PPP2R5A: variants seen among roughly 807,000 people sequenced by gnomAD.
The protein encoded by PPP2R5A is serine/threonine-protein phosphatase 2A 56 kDa regulatory subunit alpha isoform.
Under a neutral mutation model 64.2 loss-of-function variants are expected in PPP2R5A, and 25 were observed. That is an observed-to-expected ratio of 0.39 (90% CI 0.28 to 0.54). The LOEUF (loss-of-function observed/expected upper bound fraction) is 0.54, where lower values mean the gene tolerates loss of function less well. Among genes scored for constraint, PPP2R5A ranks in the 20% least tolerant of loss-of-function variants. PPP2R5A has a pLI of 0.67. For synonymous variants in PPP2R5A, 198 were observed against 201.2 expected, an observed-to-expected ratio of 0.98 and a Z score of 0.13; for missense variants, 425 against 576.3, an observed-to-expected ratio of 0.74 and a Z score of 2.69.
intron 1 of PPP2R5A, among the ~76,000 whole-genome samples, chr1:212,316,715 T>A (rs146209162): frequency 1.9e-3 from 288 of 151,990 alleles, no homozygotes; most frequent in Middle Eastern, 3.4e-3. Context: ...TGGTTTTATG[T>A]CATGTTGCAG....
At chr1:212,338,669 C>G (rs938074428) in intron 3 of PPP2R5A, among the ~76,000 whole-genome samples, 43 of 152,098 alleles carry the variant, frequency 2.8e-4, no homozygotes, top group African/African-American at 1.0e-3. Context: ...CGCCTCTAAT[C>G]CCAGCTACTC....
rs1388845112 is a variant in PPP2R5A, at chr1:212,286,206, G to T, written c.96G>T (p.Ala32=). Residue 32 remains alanine (A), a synonymous_variant, in exon 1 of 13, where the codon GCG becomes GCT. Transcript: ENST00000261461. ...DGFTRKSVRK[A]QRQKRSQGSS... ...TCACCCGGAAATCGGTCCGCAAGGC[G>T]CAGAGGCAGAAGCGCTCCCAGGGCT... 3 of 1,579,142 alleles carry T rather than the reference G, an allele frequency of 1.9e-6. No homozygotes were observed. Among genetic ancestry groups the T allele is most frequent in the Non-Finnish European group, 1.7e-6 (2 of 1,163,858 alleles).
At position 212,298,757 on chromosome 1, in the gene PPP2R5A, C is replaced by G. The variant is rs1373912844; in HGVS notation, c.181+12466C>G. ...CGGCTGGCCGGGCGGGGTGCTGACC[C>G]CCCCCCACCTCCCTCCCGGACGGGG... is the stretch of plus-strand genomic sequence containing the variant. On this transcript the variant is annotated intron_variant, in intron 1 of 12. Transcript: ENST00000261461. 1.0e-4 allele frequency among the ~76,000 whole-genome samples: 2 copies of G among 19,946 alleles called. 1 individual carries two copies. Among genetic ancestry groups the G allele is most frequent in the Non-Finnish European group, 1.8e-4 (2 of 11,168 alleles). 13.1% of individuals were successfully genotyped at this position (19,946 alleles called of 152,430 possible). A position where few individuals can be genotyped will look rare whatever the true frequency, so the allele number is the denominator to read the frequency against.
At chr1:212,352,181 G>A (rs1162172872) in intron 8 of PPP2R5A, among the ~76,000 whole-genome samples, 1 of 150,816 alleles carries the variant, frequency 6.6e-6, no homozygotes, top group African/African-American at 2.4e-5. Flanking sequence ...CCGATACCAC[G>A]CCCGGCTAGG....
chr1:212,349,355 A>G (rs1659836997), intron 8 of PPP2R5A, 113 bp downstream of exon 8: 1 of 710,484 alleles, frequency 1.4e-6, no homozygotes. Context: ...TTAAGCTAAA[A>G]TCATTTAGAA....
intron 8 of PPP2R5A, among the ~76,000 whole-genome samples, chr1:212,351,465 G>C (rs1011086674): frequency 1.3e-5 from 2 of 152,162 alleles, no homozygotes; most frequent in African/African-American, 4.8e-5. Flanking sequence ...TGTAATCCCA[G>C]CACTTTGGGA....
chr1:212,312,768 A>G (rs1328401425), intron 1 of PPP2R5A, among the ~76,000 whole-genome samples: 1 of 152,228 alleles, frequency 6.6e-6, no homozygotes, highest in Non-Finnish European at 1.5e-5. Context: ...CAACAGGGAA[A>G]TTACAAGAAA....
chr1:212,327,578 C>T (rs1311541499), intron 1 of PPP2R5A, among the ~76,000 whole-genome samples: 1 of 151,818 alleles, frequency 6.6e-6, no homozygotes, highest in East Asian at 1.9e-4. Context: ...CCACGTTTGG[C>T]TAATTTTTGT....
At chr1:212,359,397 A>G (rs1660041959) in intron 12 of PPP2R5A, among the ~76,000 whole-genome samples, 1 of 152,200 alleles carries the variant, frequency 6.6e-6, no homozygotes, top group Non-Finnish European at 1.5e-5. Context: ...TTGTCCTTGC[A>G]ATAATATGTA....
rs532261233 is a variant in PPP2R5A, at chr1:212,293,212, A to G, written c.181+6921A>G. On this transcript the variant is annotated intron_variant, in intron 1 of 12. Coordinates refer to ENST00000261461, the MANE Select transcript of PPP2R5A (RefSeq NM_006243.4). ...GATTATTTGTATTTTGCCAATGACC[A>G]GTATGAGTGACATGTAACATTATTG... Among the ~76,000 whole-genome samples the G allele has an allele frequency of 2.6e-5, 4 of 152,354 alleles. No homozygotes were observed. In the East Asian group the frequency reaches 7.7e-4, roughly 29 times the overall value.
chr1:212,307,480 G>A (rs1482499865), intron 1 of PPP2R5A, among the ~76,000 whole-genome samples: 3 of 151,630 alleles, frequency 2.0e-5, no homozygotes, highest in African/African-American at 4.8e-5. Context: ...TTTACCATCA[G>A]TAGTTATTTC....
chr1:212,292,545 A>G (rs1276835652), intron 1 of PPP2R5A, among the ~76,000 whole-genome samples: 2 of 152,032 alleles, frequency 1.3e-5, no homozygotes, highest in African/African-American at 4.8e-5. Context: ...TATCTACCAG[A>G]TGTTGATTCT....
intron 7 of PPP2R5A, among the ~76,000 whole-genome samples, chr1:212,348,871 T>C (rs961033861): frequency 7.2e-5 from 11 of 152,176 alleles, no homozygotes; most frequent in Admixed American, 7.2e-4. Context: ...TATATCAGCA[T>C]AGGTGTACAT....
At chr1:212,340,027 G>A (rs1659661347) in intron 3 of PPP2R5A, among the ~76,000 whole-genome samples, 4 of 144,904 alleles carry the variant, frequency 2.8e-5, no homozygotes, top group Non-Finnish European at 3.0e-5. Flanking sequence ...GCCAGGCATG[G>A]TGGCTTACAC....
chr1:212,323,310 G>T (rs1200937358), intron 1 of PPP2R5A, among the ~76,000 whole-genome samples: 2 of 152,106 alleles, frequency 1.3e-5, no homozygotes, highest in Non-Finnish European at 2.9e-5. Flanking sequence ...CTCAGAATTC[G>T]CTTCAAAGGA....
chr1:212,323,440 C>T (rs192397979), intron 1 of PPP2R5A, among the ~76,000 whole-genome samples: 1 of 152,306 alleles, frequency 6.6e-6, no homozygotes, highest in East Asian at 1.9e-4. Context: ...ACATTATATA[C>T]TTAATGGGTA....
At chr1:212,346,504 T>C (rs1453352880) in intron 5 of PPP2R5A, among the ~76,000 whole-genome samples, 1 of 152,086 alleles carries the variant, frequency 6.6e-6, no homozygotes, top group African/African-American at 2.4e-5. Context: ...TATTTCTAGA[T>C]TACTTACAAT....
intron 1 of PPP2R5A, among the ~76,000 whole-genome samples, chr1:212,304,725 G>C (rs1053760551): frequency 2.1e-5 from 3 of 145,338 alleles, no homozygotes; most frequent in Non-Finnish European, 4.5e-5. Flanking sequence ...ACCAAGGCCG[G>C]CCCCAGTTTT....
intron 1 of PPP2R5A, among the ~76,000 whole-genome samples, chr1:212,321,121 C>T (rs1383795315): frequency 7.2e-6 from 1 of 138,892 alleles, no homozygotes; most frequent in Non-Finnish European, 1.6e-5. Context: ...AGGGGCTCCT[C>T]TCTTCCCAGT....
Sources: allele counts gnomAD v4.1 joint callset (sites outside exome capture counted in the v4.1 genomes callset), GRCh38; gene constraint gnomAD v4.1.1; transcripts MANE v1.5; gene names NCBI Gene and HGNC (gene_info 2026-07-23, HGNC 2026-07-21).